Variants in MED13 observed in about 807,000 individuals in gnomAD.
MED13 encodes the protein mediator complex subunit 13, also known as mediator of RNA polymerase II transcription subunit 13.
In MED13, 23 loss-of-function variants were observed where a neutral mutation model predicts 225.2. That is an observed-to-expected ratio of 0.10 (90% confidence interval 0.07 to 0.14). MED13 has a LOEUF of 0.14. MED13 is among the 10% of genes least tolerant of loss of function. The probability of loss-of-function intolerance (pLI) is 1.00; values close to 1 mark genes in which losing one functional copy is unlikely to be tolerated. For synonymous variants in MED13, 942 were observed against 889.2 expected (o/e 1.06, Z -1.06); for missense variants, 2,197 against 2,594.5 (o/e 0.85, Z 3.33).
chr17:62,050,382 G>A (rs1439571045), intron 3 of MED13, among the ~76,000 whole-genome samples: 6 of 151,436 alleles, frequency 4.0e-5, no homozygotes, highest in Admixed American at 2.6e-4. Flanking sequence ...AAAGGAAAAG[G>A]AGAGGGAAAA....
chr17:61,946,662 T>C, intron 29 of MED13, 62 bp from the exon 30 acceptor site: 2 of 1,582,544 alleles, frequency 1.3e-6, no homozygotes, highest in African/African-American at 1.4e-5. Flanking sequence ...TTGGAAGCAG[T>C]TTTCAATTAT....
chr17:61,955,817 C>T lies in MED13; in HGVS notation c.5645G>A (p.Arg1882His). The change falls in exon 25 of 30, where the codon CGT becomes CAT. Residue 1882 changes from arginine to histidine, a missense_variant. Arg to His is a conservative substitution (Grantham distance 29). Coordinates refer to ENST00000397786, the MANE Select transcript of MED13 (RefSeq NM_005121.3). ...TTTACTTAGAGACTGCAAGTTTCGACGACTCAGCAAACAGCTCCAATCTGT... is the reference window on the plus strand; with the variant it reads ...TTTACTTAGAGACTGCAAGTTTCGATGACTCAGCAAACAGCTCCAATCTGT... ...ELKDWSCLLS[R>H]RNLQSLSKRL... 6.7e-7 allele frequency: 1 copy of T among 1,486,784 alleles called. No individual in the cohort carries two copies. The highest frequency in any genetic ancestry group is 9.0e-7 in the Non-Finnish European group (1 of 1,114,920). The allele number at this position is 1,486,784 out of a possible 1,614,324, so 92.1% of individuals were successfully genotyped here.
chr17:61,946,820 T>C (rs1351842670), intron 29 of MED13, 97 bp downstream of exon 29: 1 of 1,224,010 alleles, frequency 8.2e-7, no homozygotes, highest in East Asian at 2.3e-5. Context: ...GGTACACAAC[T>C]GTAAATTCTT....
chr17:61,990,401 T>C (rs2080285548), intron 11 of MED13, among the ~76,000 whole-genome samples: 1 of 152,032 alleles, frequency 6.6e-6, no homozygotes, highest in Non-Finnish European at 1.5e-5. Context: ...AGCTTATAGT[T>C]GTGGGGTTAC....
At chr17:62,003,268 T>C (rs1172557938) in intron 9 of MED13, among the ~76,000 whole-genome samples, 1 of 152,142 alleles carries the variant, frequency 6.6e-6, no homozygotes, top group East Asian at 1.9e-4. Flanking sequence ...ATTTACCTTA[T>C]CATCTAATCT....
intron 16 of MED13, among the ~76,000 whole-genome samples, chr17:61,973,956 T>C (rs544288332): frequency 1.3e-5 from 2 of 152,122 alleles, no homozygotes; most frequent in South Asian, 2.1e-4. Flanking sequence ...GCACTCCAGC[T>C]TGGGTGACAA....
At chr17:62,046,303 TAA>T (rs34776606) in intron 3 of MED13, among the ~76,000 whole-genome samples, 5 of 152,176 alleles carry the variant, frequency 3.3e-5, no homozygotes, top group African/African-American at 9.7e-5. Context: ...AAAGTTCCTG[TAA>T]AAAAGAGATT....
intron 9 of MED13, among the ~76,000 whole-genome samples, chr17:61,995,614 G>C (rs1271221325): frequency 1.3e-5 from 2 of 152,136 alleles, no homozygotes; most frequent in Non-Finnish European, 2.9e-5. Context: ...GTTGTCTTTA[G>C]GTAATTCACG....
At chr17:61,947,086 T>C (rs964303114) in intron 28 of MED13, 69 bp from the exon 29 acceptor site, 3 of 1,039,572 alleles carry the variant, frequency 2.9e-6, no homozygotes, top group Non-Finnish European at 4.5e-6. Context: ...TTTTACCTTA[T>C]TCTCCCAATA....
chr17:61,958,588 TGGCCTCCCAA>T (rs1364115200), intron 23 of MED13, among the ~76,000 whole-genome samples: 1 of 151,006 alleles, frequency 6.6e-6, no homozygotes, highest in Non-Finnish European at 1.5e-5. Flanking sequence ...CTGCCCACCT[TGGCCTCCCAA>T]AGTGCTGGGA....
intron 8 of MED13, among the ~76,000 whole-genome samples, chr17:62,014,328 A>ATG (rs2080541828): frequency 2.0e-5 from 3 of 150,516 alleles, no homozygotes; most frequent in African/African-American, 7.4e-5. Flanking sequence ...ATATATATAT[A>ATG]TATTTTGAGA....
chr17:62,044,741 C>T (rs2080884332), intron 3 of MED13, among the ~76,000 whole-genome samples: 1 of 152,212 alleles, frequency 6.6e-6, no homozygotes, highest in Non-Finnish European at 1.5e-5. Flanking sequence ...CTGCTCACTG[C>T]AACCTCCACC....
chr17:62,009,312 A>G (rs951510093), intron 9 of MED13, among the ~76,000 whole-genome samples: 9 of 152,340 alleles, frequency 5.9e-5, no homozygotes, highest in African/African-American at 2.2e-4. Context: ...AAGAAGGCAA[A>G]CCACCAATGG....
chr17:62,058,557 A>C (rs1009490876), intron 2 of MED13, among the ~76,000 whole-genome samples: 1 of 151,890 alleles, frequency 6.6e-6, no homozygotes, highest in Non-Finnish European at 1.5e-5. Flanking sequence ...GAAAGAAAGA[A>C]AAAAGCTGTA....
chr17:62,048,043 C>CATATATATATATATAT (rs397803988), intron 3 of MED13, among the ~76,000 whole-genome samples: 1 of 131,140 alleles, frequency 7.6e-6, no homozygotes, highest in African/African-American at 2.8e-5. Flanking sequence ...TATACATATA[C>CATATATATATATATAT]ATATATATAT....
chr17:61,976,437 G>A (rs1380618581), intron 16 of MED13, among the ~76,000 whole-genome samples: 1 of 152,104 alleles, frequency 6.6e-6, no homozygotes, highest in African/African-American at 2.4e-5. Context: ...GACTGCTAAC[G>A]GGTAGGGGGT....
intron 16 of MED13, among the ~76,000 whole-genome samples, chr17:61,978,258 T>A (rs979400745): frequency 5.9e-5 from 9 of 152,136 alleles, no homozygotes; most frequent in African/African-American, 2.2e-4. Context: ...TTATTTTTTT[T>A]ATTTTTTTTC....
intron 5 of MED13, among the ~76,000 whole-genome samples, chr17:62,032,729 C>G (rs982590770): frequency 3.3e-5 from 5 of 152,230 alleles, no homozygotes; most frequent in African/African-American, 1.2e-4. Context: ...AATGTGCCTG[C>G]AGGGTCAGTG....
At chr17:61,957,373 G>C (rs1005772103) in intron 23 of MED13, among the ~76,000 whole-genome samples, 8 of 149,818 alleles carry the variant, frequency 5.3e-5, no homozygotes, top group Non-Finnish European at 8.9e-5. Context: ...TTTTTGAGAC[G>C]GAGTCTTGCT....
Sources: gnomAD v4.1 joint callset for allele counts (sites outside exome capture counted in the v4.1 genomes callset) on GRCh38, gnomAD v4.1.1 for gene constraint, MANE v1.5 for transcripts, NCBI Gene and HGNC (gene_info 2026-07-23, HGNC 2026-07-21) for gene names.